EPSTI1: variants seen among roughly 807,000 people sequenced by gnomAD.
The protein encoded by EPSTI1 is epithelial stromal interaction 1.
EPSTI1 carries 66 observed loss-of-function variants against 49.9 expected under a neutral mutation model. The ratio of observed to expected loss-of-function variants is 1.32; its 90% CI spans 1.08 to 1.62. The LOEUF is 1.62. EPSTI1 is among the 40% of genes most tolerant of loss of function. EPSTI1 has a pLI of 0.00. For synonymous variants in EPSTI1, 137 were observed against 130.7 expected (o/e 1.05, Z -0.33); for missense variants, 394 against 365.5 (o/e 1.08, Z -0.64).
chr13:42,926,182 T>C (rs2038170805), intron 7 of EPSTI1, among the ~76,000 whole-genome samples, 154 bp downstream of exon 7: 1 of 152,228 alleles, frequency 6.6e-6, no homozygotes, highest in Non-Finnish European at 1.5e-5. Flanking sequence ...ATTTTATAGC[T>C]CAGGCAACAG....
intron 6 of EPSTI1, among the ~76,000 whole-genome samples, chr13:42,947,031 A>C (rs2153427010): frequency 6.6e-6 from 1 of 152,204 alleles, no homozygotes; most frequent in East Asian, 1.9e-4. Context: ...AACACAGATA[A>C]GTAAAACACT....
In EPSTI1 at chr13:42,963,025, A is replaced by G. The variant is rs575035107; in HGVS notation, c.489+230T>C. On this transcript the variant is annotated intron_variant, in intron 5 of 10. Transcript: ENST00000313624. ...CTTTGTTCTACCTGAAATACAGGCT[A>G]TGCTCCGTAAAGAGAGTGCCTCCTC... Among the ~76,000 whole-genome samples, 8 of 152,312 alleles carry G rather than the reference A, an allele frequency of 5.3e-5. No individual in the cohort carries two copies. The South Asian group carries it at 1.7e-3, about 32-fold the overall frequency.
At chr13:42,900,054 A>C (rs1786825538) in intron 9 of EPSTI1, among the ~76,000 whole-genome samples, 1 of 152,166 alleles carries the variant, frequency 6.6e-6, no homozygotes, top group Admixed American at 6.5e-5. Context: ...CAAGAACATG[A>C]GTCAGTTTTC....
At chr13:42,942,658 C>CTTTTTTTTTTTTTT (rs1161224574) in intron 6 of EPSTI1, among the ~76,000 whole-genome samples, 2 of 64,626 alleles carry the variant, frequency 3.1e-5, no homozygotes, top group African/African-American at 6.6e-5. Context: ...CCTGTTGATT[C>CTTTTTTTTTTTTTT]TTTTTTTTTT....
intron 8 of EPSTI1, among the ~76,000 whole-genome samples, chr13:42,916,723 T>C (rs943699295): frequency 6.6e-6 from 1 of 152,182 alleles, no homozygotes; most frequent in Non-Finnish European, 1.5e-5. Flanking sequence ...CAACCACTAG[T>C]ATGACAAGAG....
At chr13:42,933,031 A>G (rs1246092145) in intron 6 of EPSTI1, among the ~76,000 whole-genome samples, 1 of 152,218 alleles carries the variant, frequency 6.6e-6, no homozygotes, top group Non-Finnish European at 1.5e-5. Context: ...GTACTGTCAC[A>G]TATTGGAGGA....
rs116479128 is a variant in EPSTI1 at position 42,897,659 on chromosome 13, T to C, written c.816-2551A>G. Among the ~76,000 whole-genome samples the C allele has an allele frequency of 1.6e-3, 240 of 152,330 alleles. 1 individual carries two copies. The highest frequency in any genetic ancestry group is 5.4e-3 in the African/African-American group (223 of 41,562). On this transcript the variant is annotated intron_variant, in intron 9 of 10. Transcript: ENST00000313624. ...CTTGTCATGAAGACATAAGGTAATG[T>C]GATTCACTTTTGAGCATCAGTTACT...
At chr13:42,908,081 C>A (rs1267371563) in intron 8 of EPSTI1, among the ~76,000 whole-genome samples, 1 of 152,034 alleles carries the variant, frequency 6.6e-6, no homozygotes, top group Non-Finnish European at 1.5e-5. Context: ...TCATCACATA[C>A]AAAAAACAAC....
chr13:42,969,570 A>G (rs1417803898), intron 2 of EPSTI1: 1 of 206,854 alleles, frequency 4.8e-6, no homozygotes, highest in Non-Finnish European at 9.8e-6. Flanking sequence ...AGGTAAACAT[A>G]TCCCCAGAGA....
rs772774234 is a variant in EPSTI1 at position 42,992,121 on chromosome 13, G to C, written c.45C>G (p.Ser15=). 74 of 1,608,730 alleles carry C rather than the reference G, an allele frequency of 4.6e-5. No individual in the cohort carries two copies. The Middle Eastern group carries it at 9.9e-4, about 22-fold the overall frequency. Residue 15 remains serine, a synonymous_variant, in exon 1 of 11, where the codon TCC becomes TCG. Coordinates refer to ENST00000313624, the MANE Select transcript of EPSTI1 (RefSeq NM_033255.5). The stretch of plus-strand genomic sequence containing the variant: ...GATCCCGGGTCGGGCGGGAGGCAGG[G>C]GAGGCGCCGAGCCCGGAGTTCACCA... ...NRVVNSGLGA[S]PASRPTRDPQ...
chr13:42,972,482 C>A (rs9533322), intron 1 of EPSTI1, among the ~76,000 whole-genome samples: 1 of 152,120 alleles, frequency 6.6e-6, no homozygotes, highest in South Asian at 2.1e-4. Flanking sequence ...GGTAAAGACA[C>A]AGAGGTTGAA....
At chr13:42,946,059 A>C (rs1284601882) in intron 6 of EPSTI1, among the ~76,000 whole-genome samples, 1 of 152,320 alleles carries the variant, frequency 6.6e-6, no homozygotes, top group East Asian at 1.9e-4. Context: ...TAAGGGATCA[A>C]CTGAGCCCTT....
At position 42,888,047 on chromosome 13, in the gene EPSTI1, T is replaced by G; in HGVS notation, c.*447A>C. 2.3e-6 allele frequency: 1 copy of G among 442,020 alleles called. No individual in the cohort carries two copies. Among genetic ancestry groups the G allele is most frequent in the Non-Finnish European group, 3.9e-6 (1 of 254,522 alleles). The allele number at this position is 442,020 out of a possible 1,614,324, so 27.4% of individuals were successfully genotyped here. ...TAAAAGAATATAAGACCTTTTTCTTTTGTACATATTTGTACCATAAAGAAA... is the reference window on the plus strand; with the variant it reads ...TAAAAGAATATAAGACCTTTTTCTTGTGTACATATTTGTACCATAAAGAAA... On this transcript the variant is annotated 3_prime_UTR_variant, in exon 11 of 11. Transcript: ENST00000313624.
At chr13:42,943,900 C>T (rs2038840670) in intron 6 of EPSTI1, among the ~76,000 whole-genome samples, 2 of 151,976 alleles carry the variant, frequency 1.3e-5, no homozygotes, top group Admixed American at 1.3e-4. Context: ...TTTATGCAGC[C>T]AACAAACATA....
intron 6 of EPSTI1, among the ~76,000 whole-genome samples, chr13:42,946,745 T>C (rs1486042453): frequency 3.3e-5 from 5 of 152,168 alleles, no homozygotes; most frequent in African/African-American, 1.2e-4. Flanking sequence ...ACCACCCCTA[T>C]GTATTTTGAA....
chr13:42,952,900 C>T (rs1057201203), intron 6 of EPSTI1, among the ~76,000 whole-genome samples: 24 of 152,276 alleles, frequency 1.6e-4, no homozygotes, highest in Non-Finnish European at 3.4e-4. Context: ...CATGAGAAAT[C>T]AGAAGATACT....
chr13:42,900,693 G>A (rs1352540922), intron 8 of EPSTI1, among the ~76,000 whole-genome samples: 1 of 151,610 alleles, frequency 6.6e-6, no homozygotes, highest in African/African-American at 2.4e-5. Context: ...ACTCATCTAT[G>A]TCTTACAGAG....
chr13:42,989,567 C>CTTTTCTTTTTT (rs1555271094), intron 1 of EPSTI1, among the ~76,000 whole-genome samples: 1 of 79,022 alleles, frequency 1.3e-5, no homozygotes, highest in African/African-American at 4.4e-5. Flanking sequence ...CCTCTTTTTT[C>CTTTTCTTTTTT]TTTTTTTTTT....
intron 8 of EPSTI1, among the ~76,000 whole-genome samples, chr13:42,905,810 G>T (rs1415582090): frequency 6.6e-6 from 1 of 152,184 alleles, no homozygotes; most frequent in Non-Finnish European, 1.5e-5. Flanking sequence ...GAAATGAGTT[G>T]CTAAACACAA....
Sources: allele counts gnomAD v4.1 joint callset (sites outside exome capture counted in the v4.1 genomes callset), GRCh38; gene constraint gnomAD v4.1.1; transcripts MANE v1.5; gene names NCBI Gene and HGNC (gene_info 2026-07-23, HGNC 2026-07-21).